FBXL7: variants seen among roughly 807,000 people sequenced by gnomAD.
The protein encoded by FBXL7 is F-box/LRR-repeat protein 7.
Under a neutral mutation model 38.3 loss-of-function variants are expected in FBXL7, and 12 were observed. The observed-to-expected ratio is 0.31, with a 90% CI of 0.20 to 0.51. The LOEUF is 0.51. Among genes scored for constraint, FBXL7 ranks in the 20% least tolerant of loss-of-function variants. The probability of loss-of-function intolerance (pLI) is 0.98; values close to 1 mark genes in which losing one functional copy is unlikely to be tolerated. For synonymous variants in FBXL7, 297 were observed against 300.9 expected (o/e 0.99, Z 0.13); for missense variants, 567 against 676.4 (o/e 0.84, Z 1.79).
In FBXL7 at chr5:15,505,255, G is replaced by A. The variant is rs747687997; in HGVS notation, c.37+4542G>A. ...CCCACTTCATCCTCGCAAGGATCTT[G>A]TGGGGTAGTTACTTGTAGATTCCAC... On this transcript the variant is annotated intron_variant, in intron 1 of 3. Transcript: ENST00000504595. Among the ~76,000 whole-genome samples, 3 of 152,306 alleles carry A rather than the reference G, an allele frequency of 2.0e-5. No homozygotes were observed. The East Asian group carries it at 5.8e-4, about 29-fold the overall frequency.
chr5:15,660,340 G>T (rs980246071), intron 2 of FBXL7, among the ~76,000 whole-genome samples: 2 of 152,170 alleles, frequency 1.3e-5, no homozygotes, highest in African/African-American at 4.8e-5. Flanking sequence ...AGAAAAAAAG[G>T]CCCCCACTCT....
chr5:15,783,321 T>C (rs1309223397), intron 2 of FBXL7, among the ~76,000 whole-genome samples: 1 of 152,042 alleles, frequency 6.6e-6, no homozygotes, highest in Non-Finnish European at 1.5e-5. Context: ...GGGACCTGCA[T>C]GGTGCAGTTC....
At chr5:15,828,602 A>G (rs1005144439) in intron 2 of FBXL7, among the ~76,000 whole-genome samples, 2 of 152,178 alleles carry the variant, frequency 1.3e-5, no homozygotes, top group African/African-American at 4.8e-5. Flanking sequence ...TTGACTCTGC[A>G]CTGTAGGCTC....
At chr5:15,552,627 A>G (rs1034601987) in intron 1 of FBXL7, among the ~76,000 whole-genome samples, 17 of 152,122 alleles carry the variant, frequency 1.1e-4, no homozygotes, top group African/African-American at 3.6e-4. Context: ...GCCCTGGGCT[A>G]TTGCAGCCAC....
intron 1 of FBXL7, among the ~76,000 whole-genome samples, chr5:15,578,898 C>T (rs1427182832): frequency 6.6e-6 from 1 of 152,168 alleles, no homozygotes; most frequent in Admixed American, 6.5e-5. Context: ...TGACATGGAA[C>T]ATTTTGATGA....
chr5:15,531,335 TTCA>T (rs1426012615), intron 1 of FBXL7, among the ~76,000 whole-genome samples: 1 of 152,226 alleles, frequency 6.6e-6, no homozygotes, highest in Non-Finnish European at 1.5e-5. Context: ...TTATATTTTA[TTCA>T]TCATGCTTTT....
intron 2 of FBXL7, among the ~76,000 whole-genome samples, chr5:15,750,283 A>G (rs1035132584): frequency 5.9e-5 from 9 of 152,222 alleles, no homozygotes; most frequent in Admixed American, 1.3e-4. Context: ...ATTACTCAAC[A>G]TTTCTTCCTT....
chr5:15,773,812 C>A (rs1382224923), intron 2 of FBXL7, among the ~76,000 whole-genome samples: 1 of 151,992 alleles, frequency 6.6e-6, no homozygotes, highest in East Asian at 1.9e-4. Flanking sequence ...GTAAACTACT[C>A]TACTTGGAAC....
At position 15,570,175 on chromosome 5, in the gene FBXL7, CT is replaced by C. The variant is rs1452171392; in HGVS notation, c.38-45807del. Among the ~76,000 whole-genome samples the C allele has an allele frequency of 2.0e-5, 3 of 152,160 alleles. No individual in the cohort carries two copies. The East Asian group carries it at 5.8e-4, about 29-fold the overall frequency. On this transcript the variant is annotated intron_variant, in intron 1 of 3. Transcript: ENST00000504595. ...GTTTCAGAAGGAATGGTACCAGCTC[CT>C]CCTTGTACCTCTGGTAGAATTCGGC...
rs901716161 is a variant in FBXL7 at position 15,813,447 on chromosome 5, A to T, written c.128-114443A>T. 3.9e-4 allele frequency among the ~76,000 whole-genome samples: 60 copies of T among 152,238 alleles called. 1 individual carries two copies. The highest frequency in any genetic ancestry group is 6.3e-4 in the Non-Finnish European group (43 of 68,044). ...AACTCAAGATGGATTAAAGACTTAC[A>T]TGTAAGACCTAAAACCTTAAAATTC... On this transcript the variant is annotated intron_variant, in intron 2 of 3. Transcript: ENST00000504595.
At chr5:15,538,083 T>C (rs751176962) in intron 1 of FBXL7, among the ~76,000 whole-genome samples, 1 of 152,212 alleles carries the variant, frequency 6.6e-6, no homozygotes, top group Non-Finnish European at 1.5e-5. Flanking sequence ...TTCTCTTCCC[T>C]GTGGGACTTA....
At chr5:15,602,641 T>C (rs1739836419) in intron 1 of FBXL7, among the ~76,000 whole-genome samples, 1 of 152,082 alleles carries the variant, frequency 6.6e-6, no homozygotes, top group African/African-American at 2.4e-5. Flanking sequence ...TAAACAATAA[T>C]GAAGTTTTGT....
intron 2 of FBXL7, among the ~76,000 whole-genome samples, chr5:15,925,692 G>A (rs1741861195): frequency 6.6e-6 from 1 of 152,168 alleles, no homozygotes; most frequent in Non-Finnish European, 1.5e-5. Context: ...CTTAGAAATT[G>A]TTTAGCTCAG....
chr5:15,593,646 A>C (rs1242592111), intron 1 of FBXL7, among the ~76,000 whole-genome samples: 1 of 152,200 alleles, frequency 6.6e-6, no homozygotes, highest in East Asian at 1.9e-4. Context: ...TAAAAAGCTA[A>C]ATAGTTTAAG....
intron 2 of FBXL7, among the ~76,000 whole-genome samples, chr5:15,734,846 C>T (rs913856667): frequency 2.0e-5 from 3 of 152,170 alleles, no homozygotes; most frequent in African/African-American, 7.2e-5. Context: ...GAAAGCATGT[C>T]CAGATGGGTG....
intron 2 of FBXL7, among the ~76,000 whole-genome samples, chr5:15,885,879 T>A (rs887508009): frequency 9.9e-5 from 15 of 152,064 alleles, no homozygotes; most frequent in African/African-American, 3.4e-4. Context: ...AGGGATTTTT[T>A]AATTTATTTT....
In FBXL7 at chr5:15,936,826, C is replaced by G. The variant is rs1478371000; in HGVS notation, c.1116C>G (p.Ala372=). The stretch of plus-strand genomic sequence containing the variant: ...CCGACGTGGGCATCCGCTACGTGGC[C>G]AAGTACTGCAGCAAGCTGCGCTACC... The part of the protein sequence containing the change: ...RVTDVGIRYV[A]KYCSKLRYLN... The change falls in exon 4 of 4, where the codon GCC becomes GCG. Residue 372 remains alanine, a synonymous_variant. Transcript: ENST00000504595. This position sits in a 1 kb window ranked among gnomAD's most constrained non-coding sequence, Gnocchi z 6.0. 2.5e-6 allele frequency: 4 copies of G among 1,613,352 alleles called. No individual in the cohort carries two copies. The African/African-American group carries it at 5.3e-5, about 22-fold the overall frequency.
chr5:15,853,599 G>A (rs534623629), intron 2 of FBXL7, among the ~76,000 whole-genome samples: 8 of 152,222 alleles, frequency 5.3e-5, no homozygotes, highest in East Asian at 1.9e-4. Flanking sequence ...AGACCTTGTC[G>A]AGGAGCATAT....
chr5:15,636,744 A>T (rs1454715140), intron 2 of FBXL7, among the ~76,000 whole-genome samples: 2 of 150,336 alleles, frequency 1.3e-5, no homozygotes, highest in Admixed American at 1.3e-4. Flanking sequence ...TTCATAAATC[A>T]TAGAGCAGAA....
Sources: allele counts gnomAD v4.1 joint callset (sites outside exome capture counted in the v4.1 genomes callset), GRCh38; gene constraint gnomAD v4.1.1; non-coding constraint Gnocchi (gnomAD v3.1); transcripts MANE v1.5; gene names NCBI Gene and HGNC (gene_info 2026-07-23, HGNC 2026-07-21).